Variants in SPPL3 observed in about 807,000 individuals in gnomAD.
The protein encoded by SPPL3 is signal peptide peptidase-like 3.
In SPPL3, 5 loss-of-function variants were observed where a neutral mutation model predicts 42.4. The ratio of observed to expected loss-of-function variants is 0.12; its 90% CI spans 0.06 to 0.25. The LOEUF (loss-of-function observed/expected upper bound fraction) is 0.25, where lower values mean the gene tolerates loss of function less well. Ranked by LOEUF, SPPL3 falls within the 10% of genes least tolerant of loss-of-function variation. The pLI is 1.00. For synonymous variants in SPPL3, 195 were observed against 181.8 expected, an observed-to-expected ratio of 1.07 and a Z score of -0.58; for missense variants, 235 against 489.0, an observed-to-expected ratio of 0.48 and a Z score of 4.90.
intron 6 of SPPL3, among the ~76,000 whole-genome samples, chr12:120,778,261 C>A (rs1869404223): frequency 6.6e-6 from 1 of 151,526 alleles, no homozygotes; most frequent in Non-Finnish European, 1.5e-5. Context: ...GGATTACAGG[C>A]GCACACCACC....
At chr12:120,765,303 A>AGAT (rs1239164436) in intron 10 of SPPL3, among the ~76,000 whole-genome samples, 19 of 144,844 alleles carry the variant, frequency 1.3e-4, no homozygotes, top group African/African-American at 5.0e-4. Flanking sequence ...TTTTTTTTTG[A>AGAT]GATGGGTTCT....
At chr12:120,897,426 T>G (rs1021302214) in intron 1 of SPPL3, among the ~76,000 whole-genome samples, 5 of 152,212 alleles carry the variant, frequency 3.3e-5, no homozygotes, top group African/African-American at 1.2e-4. Flanking sequence ...AATATGTTTT[T>G]AAAATAATGA....
chr12:120,891,996 T>C (rs570593113), intron 1 of SPPL3, among the ~76,000 whole-genome samples: 2 of 152,284 alleles, frequency 1.3e-5, no homozygotes, highest in South Asian at 2.1e-4. Flanking sequence ...TGTCAGGATA[T>C]TAGAAAGTTA....
At chr12:120,836,008 C>G (rs1194933928) in intron 1 of SPPL3, among the ~76,000 whole-genome samples, 1 of 152,114 alleles carries the variant, frequency 6.6e-6, no homozygotes, top group Admixed American at 6.6e-5. Flanking sequence ...TTATGAAATT[C>G]AAATGAGTTC....
chr12:120,787,775 C>T (rs1869771973), intron 3 of SPPL3, among the ~76,000 whole-genome samples: 1 of 152,132 alleles, frequency 6.6e-6, no homozygotes, highest in African/African-American at 2.4e-5. Flanking sequence ...ATTTTATATG[C>T]ATTGAGTTAT....
At chr12:120,895,036 G>C (rs1168950) in intron 1 of SPPL3, among the ~76,000 whole-genome samples, 4,692 of 152,220 alleles carry the variant, frequency 0.031, 94 homozygotes, top group Non-Finnish European at 0.05. Context: ...TGCATTCCAA[G>C]GAAAAGCAGG....
intron 2 of SPPL3, chr12:120,792,090 T>C (rs662739): frequency 0.75 from 115,446 of 153,004 alleles, 44,655 homozygotes; most frequent in African/African-American, 0.91. Context: ...AGGGGGGAGA[T>C]GTAATAGACC....
At chr12:120,891,828 T>C (rs908396273) in intron 1 of SPPL3, among the ~76,000 whole-genome samples, 26 of 151,368 alleles carry the variant, frequency 1.7e-4, no homozygotes, top group African/African-American at 6.3e-4. Context: ...GTTTGGGAAA[T>C]ATAAAGTATA....
At chr12:120,903,732 G>GCCCCCCCCCCCCC in intron 1 of SPPL3, 113 bp downstream of exon 1, 20 of 385,006 alleles carry the variant, frequency 5.2e-5, no homozygotes, top group Non-Finnish European at 7.8e-5. Flanking sequence ...CCCAACCCGC[G>GCCCCCCCCCCCCC]CCCCCCCCCC....
chr12:120,896,202 T>TA (rs1873796534), intron 1 of SPPL3, among the ~76,000 whole-genome samples: 1 of 152,188 alleles, frequency 6.6e-6, no homozygotes, highest in South Asian at 2.1e-4. Context: ...TCTAATACCT[T>TA]AAAGATACCT....
chr12:120,781,744 TA>T (rs1250709226), intron 6 of SPPL3, among the ~76,000 whole-genome samples: 1 of 151,212 alleles, frequency 6.6e-6, no homozygotes, highest in African/African-American at 2.4e-5. Context: ...CACTCCCAGC[TA>T]ATTTTTTGTA....
chr12:120,892,431 C>T (rs1331225167), intron 1 of SPPL3, among the ~76,000 whole-genome samples: 1 of 152,106 alleles, frequency 6.6e-6, no homozygotes, highest in Non-Finnish European at 1.5e-5. Flanking sequence ...AAGGGGAAAA[C>T]ATTGCAGTCA....
chr12:120,774,704 A>C (rs958363330), intron 6 of SPPL3, among the ~76,000 whole-genome samples: 1 of 151,438 alleles, frequency 6.6e-6, no homozygotes, highest in East Asian at 1.9e-4. Flanking sequence ...ACATGCTCTC[A>C]ATCTAGTTTG....
intron 1 of SPPL3, among the ~76,000 whole-genome samples, chr12:120,897,089 T>C (rs1405012153): frequency 1.3e-5 from 2 of 152,202 alleles, no homozygotes; most frequent in Non-Finnish European, 2.9e-5. Flanking sequence ...TGAGAACTAA[T>C]TTATTAATGT....
intron 1 of SPPL3, among the ~76,000 whole-genome samples, chr12:120,876,063 C>T (rs1485244385): frequency 6.7e-6 from 1 of 149,466 alleles, no homozygotes; most frequent in African/African-American, 2.4e-5. Flanking sequence ...CTTGACTTCA[C>T]AGATACTTAT....
At chr12:120,853,403 A>G (rs1356902636) in intron 1 of SPPL3, among the ~76,000 whole-genome samples, 1 of 152,208 alleles carries the variant, frequency 6.6e-6, no homozygotes, top group African/African-American at 2.4e-5. Flanking sequence ...TTACTCATTC[A>G]AATGTCACAT....
chr12:120,860,348 CA>C (rs1872587465), intron 1 of SPPL3, among the ~76,000 whole-genome samples: 1 of 152,146 alleles, frequency 6.6e-6, no homozygotes, highest in Admixed American at 6.5e-5. Flanking sequence ...CATACTCAAC[CA>C]GAAATTTATG....
At chr12:120,828,417 GA>G (rs1004496605) in intron 1 of SPPL3, among the ~76,000 whole-genome samples, 1 of 148,924 alleles carries the variant, frequency 6.7e-6, no homozygotes, top group African/African-American at 2.5e-5. Flanking sequence ...AAAAAAACTA[GA>G]AAAAAAAGAG....
At chr12:120,777,404 T>G (rs1228170082) in intron 6 of SPPL3, among the ~76,000 whole-genome samples, 1 of 152,262 alleles carries the variant, frequency 6.6e-6, no homozygotes, top group Non-Finnish European at 1.5e-5. Context: ...CTAAAGTTTT[T>G]CAGAATTCCC....
Sources: gnomAD v4.1 joint callset for allele counts (sites outside exome capture counted in the v4.1 genomes callset) on GRCh38, gnomAD v4.1.1 for gene constraint, MANE v1.5 for transcripts, NCBI Gene and HGNC (gene_info 2026-07-23, HGNC 2026-07-21) for gene names.